The following ANKRD11 variants were observed in gnomAD, a reference collection of about 807,000 sequenced individuals.
The protein encoded by ANKRD11 is ankyrin repeat domain-containing protein 11.
Under a neutral mutation model 195.7 loss-of-function variants are expected in ANKRD11, and 17 were observed. The ratio of observed to expected loss-of-function variants is 0.09; its 90% CI spans 0.06 to 0.13. The LOEUF (loss-of-function observed/expected upper bound fraction) is 0.13. Ranked by LOEUF, ANKRD11 falls within the 10% of genes least tolerant of loss-of-function variation. The pLI is 1.00. For missense variants in ANKRD11, 3,735 were observed against 3,566.1 expected, an observed-to-expected ratio of 1.05 and a Z score of -1.21; for synonymous variants, 1,953 against 1,528.1, an observed-to-expected ratio of 1.28 and a Z score of -6.49.
chr16:89,277,053 C>CT (rs1232497840), intron 9 of ANKRD11, among the ~76,000 whole-genome samples: 6 of 56,986 alleles, frequency 1.1e-4, no homozygotes, highest in African/African-American at 2.3e-4. Context: ...GAGACTCTGT[C>CT]TTAAAAAAAA....
intron 2 of ANKRD11, among the ~76,000 whole-genome samples, chr16:89,365,927 T>C (rs1054956972): frequency 2.6e-5 from 4 of 152,230 alleles, no homozygotes; most frequent in Admixed American, 2.6e-4. Flanking sequence ...GTTCTCATCA[T>C]TTCGTTCCCA....
chr16:89,439,853 C>CT (rs1295416101), intron 1 of ANKRD11, among the ~76,000 whole-genome samples: 2 of 152,204 alleles, frequency 1.3e-5, no homozygotes, highest in Non-Finnish European at 2.9e-5. Flanking sequence ...AAGCTCAACT[C>CT]TAACACTACC....
chr16:89,288,835 C>A (rs1365600460), intron 6 of ANKRD11, 165 bp from the exon 7 acceptor site: 6 of 883,812 alleles, frequency 6.8e-6, no homozygotes, highest in African/African-American at 5.0e-5. Flanking sequence ...GCCCAGAGAA[C>A]CCCTAAATTC....
intron 2 of ANKRD11, chr16:89,323,715 C>A: frequency 3.5e-6 from 1 of 282,318 alleles, no homozygotes. Flanking sequence ...CACCCCTGCA[C>A]GTTCTGAAGA....
intron 2 of ANKRD11, among the ~76,000 whole-genome samples, chr16:89,396,666 C>T (rs1214341060): frequency 4.6e-5 from 7 of 152,030 alleles, no homozygotes; most frequent in African/African-American, 1.4e-4. Flanking sequence ...TAAGGAAATG[C>T]TCCTCTAATT....
intron 1 of ANKRD11, among the ~76,000 whole-genome samples, chr16:89,435,728 G>A (rs1295083364): frequency 6.6e-6 from 1 of 151,428 alleles, no homozygotes; most frequent in Admixed American, 6.6e-5. Flanking sequence ...GTCCTGCTGG[G>A]AGTCCAAGAC....
chr16:89,373,967 C>T (rs184785666), intron 2 of ANKRD11, among the ~76,000 whole-genome samples: 118 of 152,352 alleles, frequency 7.7e-4, no homozygotes, highest in Non-Finnish European at 1.4e-3. Flanking sequence ...CCCTGGCCCA[C>T]TCGACATCTC....
intron 2 of ANKRD11, among the ~76,000 whole-genome samples, chr16:89,393,571 C>T (rs1019837736): frequency 7.3e-5 from 11 of 150,942 alleles, no homozygotes; most frequent in Non-Finnish European, 1.6e-4. Flanking sequence ...GAACTCCCGA[C>T]CTCAGAGTGA....
intron 1 of ANKRD11, among the ~76,000 whole-genome samples, chr16:89,438,946 C>CGTAT (rs962016359): frequency 2.6e-4 from 40 of 151,890 alleles, no homozygotes; most frequent in African/African-American, 6.8e-4. Context: ...AGTTCGTGAT[C>CGTAT]ATACCACTGC....
intron 2 of ANKRD11, among the ~76,000 whole-genome samples, chr16:89,340,756 T>A (rs1010465595): frequency 6.6e-6 from 1 of 152,130 alleles, no homozygotes; most frequent in African/African-American, 2.4e-5. Flanking sequence ...CAAAACAAAA[T>A]CTTGGAAGAG....
At chr16:89,426,472 G>A (rs1451407270) in intron 1 of ANKRD11, among the ~76,000 whole-genome samples, 2 of 151,014 alleles carry the variant, frequency 1.3e-5, no homozygotes, top group African/African-American at 4.9e-5. Flanking sequence ...CTCCCTGCGT[G>A]GCTTCACTAA....
rs1278571283 is a variant in ANKRD11, at chr16:89,268,166, C to A, written c.*312G>T. On this transcript the variant is annotated 3_prime_UTR_variant, in exon 13 of 13. Coordinates refer to ENST00000301030, the MANE Select transcript of ANKRD11 (RefSeq NM_013275.6). ...CTCTGCAGTTGCTGGAGAAAAGGGC[C>A]CGAAGGTCGCCGTTTTCAAACAGAA... 5.7e-6 allele frequency: 1 copy of A among 174,162 alleles called. No homozygotes were observed. Among genetic ancestry groups the A allele is most frequent in the Admixed American group, 7.3e-5 (1 of 13,706 alleles). 10.8% of individuals were successfully genotyped at this position (174,162 alleles called of 1,614,324 possible).
chr16:89,385,545 A>G (rs2040871316), intron 2 of ANKRD11, among the ~76,000 whole-genome samples: 2 of 152,016 alleles, frequency 1.3e-5, no homozygotes, highest in African/African-American at 2.4e-5. Flanking sequence ...TCAGAGCCTC[A>G]AGCTGCTCCC....
At chr16:89,272,653 G>A (rs1351372026) in intron 11 of ANKRD11, 11 of 152,252 alleles carry the variant, frequency 7.2e-5, no homozygotes, top group African/African-American at 2.2e-4. Context: ...CTGGGTGACA[G>A]AGGAAGACTC....
chr16:89,456,100 TGTG>T (rs2056421855), intron 1 of ANKRD11, among the ~76,000 whole-genome samples: 1 of 151,648 alleles, frequency 6.6e-6, no homozygotes, highest in South Asian at 2.1e-4. Context: ...AGTAGTCTGG[TGTG>T]GTGGCGTGCA....
intron 1 of ANKRD11, among the ~76,000 whole-genome samples, chr16:89,447,630 C>T (rs2043853674): frequency 6.6e-6 from 1 of 152,156 alleles, no homozygotes; most frequent in African/African-American, 2.4e-5. Context: ...CCTGTTCTCA[C>T]TCCTCCTACA....
intron 2 of ANKRD11, among the ~76,000 whole-genome samples, chr16:89,387,742 C>T (rs1021103348): frequency 6.7e-6 from 1 of 148,828 alleles, no homozygotes; most frequent in African/African-American, 2.5e-5. Context: ...GTAGCTTGCG[C>T]CTGTAATCCC....
chr16:89,286,228 C>T, intron 7 of ANKRD11, 42 bp from the exon 8 acceptor site: 1 of 1,606,744 alleles, frequency 6.2e-7, no homozygotes. Context: ...GCTGGAGAAG[C>T]ACAACTCCTC....
chr16:89,292,444 C>T (rs1597491113), intron 4 of ANKRD11, among the ~76,000 whole-genome samples: 1 of 152,216 alleles, frequency 6.6e-6, no homozygotes, highest in Non-Finnish European at 1.5e-5. Context: ...ATGTGCCCGT[C>T]GATTTCCTAA....
Sources: allele counts gnomAD v4.1 joint callset (sites outside exome capture counted in the v4.1 genomes callset), GRCh38; gene constraint gnomAD v4.1.1; transcripts MANE v1.5; gene names NCBI Gene and HGNC (gene_info 2026-07-23, HGNC 2026-07-21).